Variants in NTM observed in about 807,000 individuals in gnomAD.
NTM encodes the protein IgLON family member 2.
In NTM, 13 loss-of-function variants were observed where a neutral mutation model predicts 42.1. That is an observed-to-expected ratio of 0.31 (90% CI 0.20 to 0.49). The LOEUF is 0.49. Ranked by LOEUF, NTM falls within the 20% of genes least tolerant of loss-of-function variation. The pLI is 0.99. For missense variants in NTM, 373 were observed against 452.8 expected (o/e 0.82, Z 1.60); for synonymous variants, 187 against 179.2 (o/e 1.04, Z -0.35).
At chr11:131,813,659 C>T (rs959361709) in intron 1 of NTM, among the ~76,000 whole-genome samples, 1 of 152,136 alleles carries the variant, frequency 6.6e-6, no homozygotes, top group Non-Finnish European at 1.5e-5. Context: ...TCACTGAGTT[C>T]CCCCAATAAA....
Position 131,881,170 on chromosome 11 carries a change from A to G in NTM, c.83-30394A>G, listed in dbSNP as rs77929904. 8.7e-3 allele frequency among the ~76,000 whole-genome samples: 1,327 copies of G among 152,172 alleles called. 14 individuals carry two copies. Among genetic ancestry groups the G allele is most frequent in the South Asian group, 0.015 (74 of 4,794 alleles). On this transcript the variant is annotated intron_variant, in intron 1 of 8. Transcript: ENST00000683400. ...GGCCTTCGCTCAGCTGTGTCCAACC[A>G]AGTCTGGGCTCTATTGTTTGTGATT...
chr11:131,523,010 C>G (rs2049958317), intron 1 of NTM, among the ~76,000 whole-genome samples: 1 of 152,210 alleles, frequency 6.6e-6, no homozygotes, highest in African/African-American at 2.4e-5. Flanking sequence ...CAGTTCCTGA[C>G]CACACATGCC....
chr11:131,982,444 A>G (rs1453448832), intron 2 of NTM, among the ~76,000 whole-genome samples: 1 of 152,130 alleles, frequency 6.6e-6, no homozygotes, highest in African/African-American at 2.4e-5. Flanking sequence ...GAGAGGTGGG[A>G]TGAGGAAACA....
chr11:131,737,273 A>G (rs956433128), intron 1 of NTM, among the ~76,000 whole-genome samples: 1 of 152,170 alleles, frequency 6.6e-6, no homozygotes, highest in Non-Finnish European at 1.5e-5. Flanking sequence ...GAATGATTCC[A>G]AGTGAATTGG....
chr11:132,122,775 T>C (rs1020754704), intron 2 of NTM, among the ~76,000 whole-genome samples: 4 of 152,162 alleles, frequency 2.6e-5, no homozygotes, highest in African/African-American at 4.8e-5. Context: ...AGCTCCTTAG[T>C]TGGCGTTTCT....
intron 2 of NTM, among the ~76,000 whole-genome samples, chr11:132,122,400 G>A (rs1013440125): frequency 6.6e-6 from 1 of 152,160 alleles, no homozygotes; most frequent in African/African-American, 2.4e-5. Context: ...TCAGCAAATC[G>A]GCCTCCCCTG....
chr11:132,177,777 T>G (rs2077029928), intron 3 of NTM, among the ~76,000 whole-genome samples: 1 of 152,218 alleles, frequency 6.6e-6, no homozygotes, highest in Admixed American at 6.5e-5. Flanking sequence ...GGTAAAATAC[T>G]GAAGGATCAG....
At chr11:131,874,048 T>TAATATA (rs1466815638) in intron 1 of NTM, among the ~76,000 whole-genome samples, 3 of 56,204 alleles carry the variant, frequency 5.3e-5, no homozygotes, top group African/African-American at 2.0e-4. Context: ...TATATATATA[T>TAATATA]ATATATATAT....
chr11:131,547,858 G>C lies in NTM; in HGVS notation c.82+176970G>C, dbSNP rs114290236. Among the ~76,000 whole-genome samples the C allele has an allele frequency of 4.1e-3, 621 of 152,258 alleles. 1 individual carries two copies. Among genetic ancestry groups the C allele is most frequent in the African/African-American group, 0.014 (587 of 41,548 alleles). ...TTGAAAATCCTTGAAGGGGAGCCAG[G>C]ATTGATAAATCTTTGGCATCTCTCA... On this transcript the variant is annotated intron_variant, in intron 1 of 8. Coordinates refer to ENST00000683400, the MANE Select transcript of NTM (RefSeq NM_001352005.2).
intron 1 of NTM, among the ~76,000 whole-genome samples, chr11:131,812,476 G>GCCTTGCCTTCTCTCCATCCCT (rs1474863876): frequency 2.6e-5 from 4 of 152,100 alleles, no homozygotes; most frequent in Non-Finnish European, 5.9e-5. Context: ...ATTAGAGCCT[G>GCCTTGCCTTCTCTCCATCCCT]CCTTGCCTTC....
At chr11:132,256,407 C>T (rs1052355982) in intron 4 of NTM, among the ~76,000 whole-genome samples, 12 of 152,194 alleles carry the variant, frequency 7.9e-5, no homozygotes, top group African/African-American at 2.4e-4. Flanking sequence ...ATTTAGAGTG[C>T]GGGCCAACCT....
rs971586697 is a variant in NTM at position 132,003,714 on chromosome 11, C to T, written c.167+92066C>T. Reference sequence around the variant, plus strand: ...TCACATGTCCCACATGGAGCCCACTCTTTCCCATGGTACAAAACCCTCCTT... The same window carrying T: ...TCACATGTCCCACATGGAGCCCACTTTTTCCCATGGTACAAAACCCTCCTT... On this transcript the variant is annotated intron_variant, in intron 2 of 8. Coordinates refer to ENST00000683400, the MANE Select transcript of NTM (RefSeq NM_001352005.2). This position sits in a 1 kb window ranked among gnomAD's most constrained non-coding sequence, Gnocchi z 6.0. 6.6e-6 allele frequency among the ~76,000 whole-genome samples: 1 copy of T among 152,204 alleles called. No individual in the cohort carries two copies. Among genetic ancestry groups the T allele is most frequent in the Admixed American group, 6.5e-5 (1 of 15,276 alleles).
At chr11:132,097,826 A>G (rs1310283831) in intron 2 of NTM, among the ~76,000 whole-genome samples, 1 of 152,196 alleles carries the variant, frequency 6.6e-6, no homozygotes, top group East Asian at 1.9e-4. Flanking sequence ...AGCCAGAGGG[A>G]AAAGGGTTCC....
At chr11:132,001,389 A>G (rs1311329932) in intron 2 of NTM, among the ~76,000 whole-genome samples, 1 of 152,246 alleles carries the variant, frequency 6.6e-6, no homozygotes, top group East Asian at 1.9e-4. Flanking sequence ...TGGCATTACT[A>G]TAAAGATATA....
chr11:131,548,587 G>A (rs2054248571), intron 1 of NTM, among the ~76,000 whole-genome samples: 1 of 152,178 alleles, frequency 6.6e-6, no homozygotes, highest in Admixed American at 6.5e-5. Context: ...CACTGGAATG[G>A]ATAGAGCAGA....
At chr11:131,381,737 T>A (rs1942706228) in intron 1 of NTM, among the ~76,000 whole-genome samples, 1 of 152,158 alleles carries the variant, frequency 6.6e-6, no homozygotes. Flanking sequence ...CTCCAGAGAT[T>A]TCTAGTGACC....
chr11:132,092,640 CT>C (rs2060505886), intron 2 of NTM, among the ~76,000 whole-genome samples: 1 of 152,186 alleles, frequency 6.6e-6, no homozygotes, highest in Admixed American at 6.5e-5. Context: ...TGATGACTCC[CT>C]CATCGATGGC....
intron 1 of NTM, among the ~76,000 whole-genome samples, chr11:131,501,905 T>A (rs1297959941): frequency 2.0e-5 from 3 of 151,848 alleles, no homozygotes; most frequent in Admixed American, 2.0e-4. Context: ...GCACATGTGA[T>A]CAATGGATGA....
intron 2 of NTM, among the ~76,000 whole-genome samples, chr11:131,961,127 G>A (rs1417164788): frequency 6.6e-6 from 1 of 152,084 alleles, no homozygotes; most frequent in Non-Finnish European, 1.5e-5. Flanking sequence ...AACTATGCTG[G>A]CCTGGGGTTG....
Sources: allele counts gnomAD v4.1 joint callset (sites outside exome capture counted in the v4.1 genomes callset), GRCh38; gene constraint gnomAD v4.1.1; non-coding constraint Gnocchi (gnomAD v3.1); transcripts MANE v1.5; gene names NCBI Gene and HGNC (gene_info 2026-07-23, HGNC 2026-07-21).